Variants in DGKG observed in about 807,000 individuals in gnomAD.
The protein encoded by DGKG is diacylglycerol kinase gamma.
Under a neutral mutation model 105.3 loss-of-function variants are expected in DGKG, and 78 were observed. The observed-to-expected ratio is 0.74, with a 90% CI of 0.62 to 0.89. DGKG has a LOEUF of 0.89. Among genes scored for constraint, DGKG ranks in the 40% least tolerant of loss-of-function variants. The pLI is 0.00. For missense variants in DGKG, 958 were observed against 1,020.1 expected (o/e 0.94, Z 0.83); for synonymous variants, 346 against 367.1 (o/e 0.94, Z 0.66).
chr3:186,235,476 T>A (rs932025782), intron 20 of DGKG, among the ~76,000 whole-genome samples: 2 of 152,214 alleles, frequency 1.3e-5, no homozygotes, highest in African/African-American at 4.8e-5. Flanking sequence ...TTTTTAACTT[T>A]GCTATATTTG....
Position 186,150,139 on chromosome 3 carries a change from T to C in DGKG, c.2327A>G (p.Gln776Arg). 1 of 1,613,812 alleles carries C rather than the reference T, an allele frequency of 6.2e-7. No individual in the cohort carries two copies. The highest frequency in any genetic ancestry group is 8.5e-7 in the Non-Finnish European group (1 of 1,179,872). ...NQAPMMMGPPQKSSFFSLRRK... is the reference protein window; with the variant it reads ...NQAPMMMGPPRKSSFFSLRRK... ...TCTCAACGAGAAGAAGCTGCTCTTC[T>C]GGGGAGGCCCCATCATCATGGGCGC... Residue 776 changes from glutamine (Q) to arginine (R), a missense_variant, in exon 25 of 25, where the codon CAG (glutamine) becomes CGG (arginine). This residue lies in a region of DGKG where 315 missense variants were observed against 400.6 expected (regional missense o/e 0.79). Transcript: ENST00000265022.
chr3:186,326,311 G>A (rs1055027967), intron 1 of DGKG, among the ~76,000 whole-genome samples: 1 of 151,958 alleles, frequency 6.6e-6, no homozygotes, highest in East Asian at 1.9e-4. Flanking sequence ...AGAATTGCTC[G>A]AACCTGGGAG....
intron 21 of DGKG, among the ~76,000 whole-genome samples, chr3:186,200,874 T>C (rs1057334642): frequency 6.6e-6 from 1 of 152,236 alleles, no homozygotes; most frequent in Non-Finnish European, 1.5e-5. Context: ...TTTCTTCCTC[T>C]TTAGCCCTCC....
intron 2 of DGKG, among the ~76,000 whole-genome samples, chr3:186,315,245 T>C (rs909696653): frequency 6.6e-6 from 1 of 152,208 alleles, no homozygotes; most frequent in African/African-American, 2.4e-5. Flanking sequence ...TAGTAATTAA[T>C]GTATTCCACA....
intron 5 of DGKG, among the ~76,000 whole-genome samples, chr3:186,290,829 C>T (rs1723280907): frequency 6.6e-6 from 1 of 152,188 alleles, no homozygotes; most frequent in Non-Finnish European, 1.5e-5. Flanking sequence ...TTCAATTATT[C>T]AGCTGAGTAG....
chr3:186,261,768 A>T lies in DGKG; in HGVS notation c.1280T>A (p.Ile427Asn), dbSNP rs777738579. ...CAGGGGGTGGGTACCCGGGGTGGGG[A>T]TGATCTTATACTTGAAAGGTAAAAG... is the stretch of plus-strand genomic sequence containing the variant. ...KGELVMQYKI[I>N]PTPGTHPLLV... The change falls in exon 15 of 25, where the codon ATC (isoleucine) becomes AAC (asparagine). Residue 427 changes from isoleucine (I) to asparagine (N), a missense_variant. By Grantham distance (149) the Ile-to-Asn change is moderately radical. This residue lies in a region of DGKG where 643 missense variants were observed against 619.5 expected (regional missense o/e 1.04). Transcript: ENST00000265022. 1 of 1,601,606 alleles carries T rather than the reference A, an allele frequency of 6.2e-7. No homozygotes were observed. The highest frequency in any genetic ancestry group is 2.2e-5 in the East Asian group (1 of 44,734).
chr3:186,205,229 C>G (rs1308532791), intron 21 of DGKG, among the ~76,000 whole-genome samples: 1 of 144,966 alleles, frequency 6.9e-6, no homozygotes, highest in Admixed American at 7.1e-5. Flanking sequence ...TGCACTCCAG[C>G]CTGGGCGACA....
intron 20 of DGKG, 31 bp downstream of exon 20, chr3:186,242,473 G>A (rs758249775): frequency 1.1e-5 from 18 of 1,594,060 alleles, no homozygotes; most frequent in African/African-American, 4.0e-5. Flanking sequence ...CACACTGGGT[G>A]GGTGGCAGCG....
rs1001671860 is a variant in DGKG at position 186,347,319 on chromosome 3, G to A, written c.-249+14627C>T. 8.6e-5 allele frequency among the ~76,000 whole-genome samples: 13 copies of A among 151,650 alleles called. No homozygotes were observed. The East Asian group carries it at 9.9e-4, about 11-fold the overall frequency. On this transcript the variant is annotated intron_variant, in intron 1 of 24. Coordinates refer to ENST00000265022, the MANE Select transcript of DGKG (RefSeq NM_001346.3). ...AAAAATTAGCCAGGCATGGTGGCAC[G>A]CGCCTGCAGTCCTAGCTACTTGGGA... is the stretch of plus-strand genomic sequence containing the variant.
intron 10 of DGKG, among the ~76,000 whole-genome samples, 188 bp downstream of exon 10, chr3:186,275,359 G>A (rs1194030136): frequency 6.6e-6 from 1 of 152,194 alleles, no homozygotes; most frequent in Non-Finnish European, 1.5e-5. Flanking sequence ...TCCAAGACCT[G>A]TCCATTGGAC....
intron 10 of DGKG, 127 bp downstream of exon 10, chr3:186,275,420 G>A: frequency 2.5e-6 from 2 of 792,430 alleles, no homozygotes; most frequent in Non-Finnish European, 4.3e-6. Flanking sequence ...TCCTTCTGTT[G>A]GGACAATATG....
chr3:186,335,419 C>T (rs1470313254), intron 1 of DGKG, among the ~76,000 whole-genome samples: 2 of 152,114 alleles, frequency 1.3e-5, no homozygotes, highest in Non-Finnish European at 2.9e-5. Flanking sequence ...TCTTTTTAAA[C>T]AGTAATTTCA....
intron 20 of DGKG, among the ~76,000 whole-genome samples, chr3:186,230,763 A>G (rs1274564978): frequency 6.6e-6 from 1 of 152,166 alleles, no homozygotes; most frequent in African/African-American, 2.4e-5. Flanking sequence ...ACAGGAGGCA[A>G]GCGGTCTCAC....
chr3:186,348,871 G>C (rs1578866646), intron 1 of DGKG, among the ~76,000 whole-genome samples: 1 of 151,814 alleles, frequency 6.6e-6, no homozygotes, highest in African/African-American at 2.4e-5. Context: ...TTGTTTTTCT[G>C]TTTTCATACC....
At chr3:186,209,889 C>T (rs1029990770) in intron 21 of DGKG, among the ~76,000 whole-genome samples, 1 of 152,154 alleles carries the variant, frequency 6.6e-6, no homozygotes, top group African/African-American at 2.4e-5. Context: ...CACGCTCAGC[C>T]CCACTCCCCC....
chr3:186,225,573 T>C (rs1719819414), intron 20 of DGKG, among the ~76,000 whole-genome samples: 1 of 152,152 alleles, frequency 6.6e-6, no homozygotes, highest in Non-Finnish European at 1.5e-5. Flanking sequence ...AAGCCCAGCT[T>C]CTCTTGAGAA....
intron 20 of DGKG, among the ~76,000 whole-genome samples, chr3:186,238,095 C>T (rs1720500570): frequency 6.6e-6 from 1 of 151,814 alleles, no homozygotes. Flanking sequence ...GAGTTCAAGA[C>T]CAGGCTTGCT....
chr3:186,304,822 T>C (rs1034555748), intron 3 of DGKG, among the ~76,000 whole-genome samples: 7 of 152,218 alleles, frequency 4.6e-5, no homozygotes, highest in Non-Finnish European at 1.0e-4. Context: ...AGACCACTTG[T>C]TGATGGCAGA....
chr3:186,242,488 C>T lies in DGKG; in HGVS notation c.1826+16G>A, dbSNP rs200822478. The T allele has an allele frequency of 2.7e-4, 435 of 1,607,444 alleles. No homozygotes were observed. Among genetic ancestry groups the T allele is most frequent in the Non-Finnish European group, 3.6e-4 (424 of 1,176,120 alleles). On this transcript the variant is annotated intron_variant, in intron 20 of 24. Transcript: ENST00000265022. ...CACACTGGGTGGGTGGCAGCGCAGC[C>T]GGGCCTGCAGCTTACCTGCTGTTGA...
Sources: allele counts gnomAD v4.1 joint callset (sites outside exome capture counted in the v4.1 genomes callset), GRCh38; gene constraint gnomAD v4.1.1; regional missense constraint gnomAD v4.1.1; transcripts MANE v1.5; gene names NCBI Gene and HGNC (gene_info 2026-07-23, HGNC 2026-07-21).